The following KLF12 variants were observed in gnomAD, a reference collection of about 807,000 sequenced individuals.
KLF12 encodes KLF transcription factor 12.
A neutral mutation model predicts 37.8 loss-of-function variants in KLF12; 9 were observed. The observed-to-expected ratio is 0.24, with a 90% CI of 0.14 to 0.42. KLF12 has a LOEUF of 0.42. Among genes scored for constraint, KLF12 ranks in the 10% least tolerant of loss-of-function variants. KLF12 has a pLI of 1.00. For missense variants in KLF12, 411 were observed against 516.0 expected (o/e 0.80, Z 1.97); for synonymous variants, 208 against 202.1 (o/e 1.03, Z -0.25).
intron 2 of KLF12, among the ~76,000 whole-genome samples, chr13:73,966,865 G>A (rs932215390): frequency 6.6e-6 from 1 of 152,118 alleles, no homozygotes; most frequent in South Asian, 2.1e-4. Flanking sequence ...ACTTGTCCAT[G>A]TTAAAGAAAA....
intron 1 of KLF12, among the ~76,000 whole-genome samples, chr13:74,099,666 G>A (rs1876199607): frequency 6.6e-6 from 1 of 152,078 alleles, no homozygotes; most frequent in African/African-American, 2.4e-5. Flanking sequence ...AGGGTACCAA[G>A]GAAGCACTTC....
chr13:73,807,276 T>A (rs1882696980), intron 5 of KLF12, among the ~76,000 whole-genome samples: 1 of 150,666 alleles, frequency 6.6e-6, no homozygotes. Flanking sequence ...GCCATTGCAC[T>A]ACAGCCTGGG....
intron 4 of KLF12, among the ~76,000 whole-genome samples, chr13:73,816,355 T>A (rs1465534721): frequency 6.6e-6 from 1 of 152,138 alleles, no homozygotes; most frequent in Non-Finnish European, 1.5e-5. Flanking sequence ...CAGGAGATGA[T>A]CTATAAACAC....
intron 6 of KLF12, among the ~76,000 whole-genome samples, chr13:73,759,315 T>C (rs1467662587): frequency 6.6e-6 from 1 of 152,176 alleles, no homozygotes; most frequent in East Asian, 1.9e-4. Flanking sequence ...ATGCATAATA[T>C]AATTTTTGCT....
At chr13:73,787,806 A>G (rs1053349179) in intron 5 of KLF12, among the ~76,000 whole-genome samples, 1 of 151,926 alleles carries the variant, frequency 6.6e-6, no homozygotes, top group Non-Finnish European at 1.5e-5. Flanking sequence ...ATTTTTAAAC[A>G]AAAAAAAGTA....
chr13:74,169,338 C>T, the KLF12 span, among the ~76,000 whole-genome samples: 13 of 152,106 alleles, frequency 8.5e-5, no homozygotes, highest in Admixed American at 2.6e-4. Flanking sequence ...GTGAAAAGTA[C>T]GTCACAAATG....
At chr13:73,827,089 G>A (rs77080499) in intron 4 of KLF12, among the ~76,000 whole-genome samples, 2,314 of 152,172 alleles carry the variant, frequency 0.015, 54 homozygotes, top group African/African-American at 0.052. Context: ...CCAACAATAT[G>A]ATATTTCTAT....
chr13:74,017,861 TA>T (rs750831346), intron 1 of KLF12, among the ~76,000 whole-genome samples: 1 of 151,868 alleles, frequency 6.6e-6, no homozygotes, highest in Non-Finnish European at 1.5e-5. Flanking sequence ...AGGGATGAAC[TA>T]AAGAAAGGGG....
At chr13:74,092,859 C>CAGGGAA (rs1875757360) in intron 1 of KLF12, among the ~76,000 whole-genome samples, 2 of 152,140 alleles carry the variant, frequency 1.3e-5, no homozygotes, top group Non-Finnish European at 2.9e-5. Context: ...CGTTAGTTAT[C>CAGGGAA]AGGGAAATGC....
At chr13:74,143,099 G>C in the KLF12 span, among the ~76,000 whole-genome samples, 2 of 125,820 alleles carry the variant, frequency 1.6e-5, no homozygotes, top group Non-Finnish European at 3.2e-5. Context: ...TCTTCTTCTT[G>C]TTCTCCTCCT....
chr13:74,036,957 G>A (rs908066774), intron 1 of KLF12, among the ~76,000 whole-genome samples: 1 of 152,150 alleles, frequency 6.6e-6, no homozygotes, highest in Non-Finnish European at 1.5e-5. Context: ...TGTAATCCCA[G>A]CACTTTGGGA....
rs1296059893 is a variant in KLF12, at chr13:73,845,922, G to A, written c.575C>T (p.Ser192Leu). The change falls in exon 4 of 8, where the codon TCG becomes TTG. Residue 192 changes from serine to leucine, a missense_variant. Coordinates refer to ENST00000377669, the MANE Select transcript of KLF12 (RefSeq NM_007249.5). Reference sequence around the variant, plus strand: ...TACAGCTGTGTAGACAACAGGCACCGACTGTACCACCACGGGGATGCGGTG... The same window carrying A: ...TACAGCTGTGTAGACAACAGGCACCAACTGTACCACCACGGGGATGCGGTG... 1.2e-6 allele frequency: 2 copies of A among 1,614,102 alleles called. No individual in the cohort carries two copies. Among genetic ancestry groups the A allele is most frequent in the Non-Finnish European group, 1.7e-6 (2 of 1,179,984 alleles).
At chr13:74,143,024 CTCCT>C in the KLF12 span, among the ~76,000 whole-genome samples, 1 of 149,636 alleles carries the variant, frequency 6.7e-6, no homozygotes, top group Non-Finnish European at 1.5e-5. Flanking sequence ...CCCTCCCTCC[CTCCT>C]TCCTTCCCTC....
intron 5 of KLF12, among the ~76,000 whole-genome samples, chr13:73,807,596 T>C (rs1594114207): frequency 2.0e-5 from 3 of 152,334 alleles, no homozygotes; most frequent in Middle Eastern, 3.4e-3. Flanking sequence ...ATCCTTTTCA[T>C]AGGTGCAGTT....
At chr13:74,199,064 C>A in the KLF12 span, among the ~76,000 whole-genome samples, 1 of 152,172 alleles carries the variant, frequency 6.6e-6, no homozygotes, top group African/African-American at 2.4e-5. Context: ...GCCCATGAGT[C>A]CACTAGACCC....
intron 5 of KLF12, among the ~76,000 whole-genome samples, chr13:73,798,225 G>C (rs558908851): frequency 3.8e-4 from 58 of 152,246 alleles, no homozygotes; most frequent in African/African-American, 1.3e-3. Flanking sequence ...ATATGTAGAA[G>C]AGTGAAGCTT....
At chr13:73,824,199 T>C (rs1326052106) in intron 4 of KLF12, among the ~76,000 whole-genome samples, 3 of 151,916 alleles carry the variant, frequency 2.0e-5, no homozygotes, top group Admixed American at 6.6e-5. Flanking sequence ...ACAGAGAACA[T>C]TTCCACCCAC....
chr13:74,181,486 C>T, the KLF12 span, among the ~76,000 whole-genome samples: 1 of 150,806 alleles, frequency 6.6e-6, no homozygotes, highest in East Asian at 2.0e-4. Context: ...AGGAGACCAG[C>T]CTGGCCAATA....
At chr13:73,837,083 C>T (rs1041587271) in intron 4 of KLF12, among the ~76,000 whole-genome samples, 1 of 152,174 alleles carries the variant, frequency 6.6e-6, no homozygotes, top group Non-Finnish European at 1.5e-5. Flanking sequence ...TAAGTAACAT[C>T]TACCTTTTAA....
Sources: gnomAD v4.1 joint callset for allele counts (sites outside exome capture counted in the v4.1 genomes callset) on GRCh38, gnomAD v4.1.1 for gene constraint, MANE v1.5 for transcripts, NCBI Gene and HGNC (gene_info 2026-07-23, HGNC 2026-07-21) for gene names.